ZNF385B: variants seen among roughly 807,000 people sequenced by gnomAD.
ZNF385B encodes zinc finger protein 385B.
A neutral mutation model predicts 39.2 loss-of-function variants in ZNF385B; 23 were observed. The observed-to-expected ratio is 0.59, with a 90% CI of 0.42 to 0.83. ZNF385B has a LOEUF of 0.83. Among genes scored for constraint, ZNF385B ranks in the 40% least tolerant of loss-of-function variants. The pLI, the probability that ZNF385B is intolerant of heterozygous loss-of-function variation, is 0.00. For synonymous variants in ZNF385B, 205 were observed against 222.6 expected, an observed-to-expected ratio of 0.92 and a Z score of 0.70; for missense variants, 552 against 598.9, an observed-to-expected ratio of 0.92 and a Z score of 0.82.
chr2:179,621,447 A>C (rs1690205611), intron 3 of ZNF385B, among the ~76,000 whole-genome samples: 1 of 152,212 alleles, frequency 6.6e-6, no homozygotes, highest in African/African-American at 2.4e-5. Flanking sequence ...GTTAACAACA[A>C]AGTATTTGGG....
chr2:179,644,793 T>C (rs1311416174), intron 3 of ZNF385B, among the ~76,000 whole-genome samples: 1 of 152,106 alleles, frequency 6.6e-6, no homozygotes, highest in Non-Finnish European at 1.5e-5. Context: ...GTCTCCTTTT[T>C]CTTATTTTCC....
chr2:179,587,085 C>T (rs752630197), intron 3 of ZNF385B, among the ~76,000 whole-genome samples: 53 of 152,202 alleles, frequency 3.5e-4, no homozygotes, highest in Middle Eastern at 3.4e-3. Context: ...TTTATATTCA[C>T]CTTCCTCCCT....
chr2:179,589,000 T>C (rs1034810478), intron 3 of ZNF385B, among the ~76,000 whole-genome samples: 1 of 152,228 alleles, frequency 6.6e-6, no homozygotes, highest in Non-Finnish European at 1.5e-5. Flanking sequence ...CTCTTGCCTC[T>C]GTGGTATTTT....
chr2:179,844,620 T>C lies in ZNF385B; in HGVS notation c.-155+16481A>G, dbSNP rs146074297. 2.0e-5 allele frequency among the ~76,000 whole-genome samples: 3 copies of C among 152,284 alleles called. No homozygotes were observed. The East Asian group carries it at 5.8e-4, about 29-fold the overall frequency. On this transcript the variant is annotated intron_variant, in intron 1 of 9. Transcript: ENST00000410066. ...AAAGGAAACCAAGGTGAAAACATCA[T>C]AATTGTTCAGCCAAAAGAATTATCT...
intron 3 of ZNF385B, among the ~76,000 whole-genome samples, chr2:179,754,057 T>C (rs1223382870): frequency 6.6e-6 from 1 of 152,214 alleles, no homozygotes; most frequent in African/African-American, 2.4e-5. Flanking sequence ...CAGTATGATA[T>C]TGGCTGTGGG....
chr2:179,539,360 A>G (rs1465355632), intron 4 of ZNF385B, among the ~76,000 whole-genome samples: 1 of 152,230 alleles, frequency 6.6e-6, no homozygotes, highest in Non-Finnish European at 1.5e-5. Flanking sequence ...ATCTCCAGAT[A>G]CCATCACTAT....
chr2:179,790,441 C>T (rs1308440215), intron 1 of ZNF385B, among the ~76,000 whole-genome samples: 1 of 152,076 alleles, frequency 6.6e-6, no homozygotes, highest in Non-Finnish European at 1.5e-5. Context: ...CATGCCCAGG[C>T]CTGTAGTGTC....
At chr2:179,701,786 T>C (rs1383273567) in intron 3 of ZNF385B, among the ~76,000 whole-genome samples, 1 of 152,188 alleles carries the variant, frequency 6.6e-6, no homozygotes, top group African/African-American at 2.4e-5. Context: ...AACTGGCATC[T>C]CAACAATGTT....
chr2:179,493,722 C>CGTATATATGT (rs1188764511), intron 5 of ZNF385B, among the ~76,000 whole-genome samples: 9 of 59,280 alleles, frequency 1.5e-4, no homozygotes, highest in Admixed American at 1.5e-3. Context: ...TATGCATATA[C>CGTATATATGT]GTATATACAT....
intron 3 of ZNF385B, among the ~76,000 whole-genome samples, chr2:179,710,102 C>T (rs573207684): frequency 1.8e-4 from 27 of 152,208 alleles, no homozygotes; most frequent in African/African-American, 5.1e-4. Flanking sequence ...GTTGATGCAA[C>T]GACTCCGGAG....
chr2:179,764,037 T>C (rs1703550330), intron 3 of ZNF385B, among the ~76,000 whole-genome samples: 2 of 152,224 alleles, frequency 1.3e-5, no homozygotes, highest in Non-Finnish European at 2.9e-5. Flanking sequence ...TTAATAATCC[T>C]ATCAGTTGCT....
intron 1 of ZNF385B, among the ~76,000 whole-genome samples, chr2:179,798,304 G>A (rs923270413): frequency 2.4e-4 from 37 of 151,706 alleles, no homozygotes; most frequent in Admixed American, 1.2e-3. Flanking sequence ...TTTCTCCAAG[G>A]ACACCCCATT....
At chr2:179,517,245 A>G (rs899299367) in intron 5 of ZNF385B, among the ~76,000 whole-genome samples, 6 of 151,910 alleles carry the variant, frequency 3.9e-5, no homozygotes, top group African/African-American at 1.2e-4. Flanking sequence ...TTCTATGTAT[A>G]TTTAAGAAAC....
At chr2:179,705,943 C>T (rs1046717172) in intron 3 of ZNF385B, among the ~76,000 whole-genome samples, 5 of 152,202 alleles carry the variant, frequency 3.3e-5, no homozygotes, top group African/African-American at 1.2e-4. Context: ...TCTCTGTCCC[C>T]TTTCTCCTTA....
Position 179,747,358 on chromosome 2 carries a change from T to C in ZNF385B, c.298+22145A>G, listed in dbSNP as rs1575412518. ...TTGGATATGCACATGCGTGTGCGTA[T>C]ACATATACCTATGCCATTGAACACA... On this transcript the variant is annotated intron_variant, in intron 3 of 9. Transcript: ENST00000410066. Among the ~76,000 whole-genome samples the C allele has an allele frequency of 3.3e-5, 5 of 152,264 alleles. No homozygotes were observed. In the South Asian group the frequency reaches 1.0e-3, roughly 32 times the overall value.
intron 3 of ZNF385B, among the ~76,000 whole-genome samples, chr2:179,742,876 C>T (rs17824564): frequency 0.083 from 12,642 of 151,990 alleles, 612 homozygotes; most frequent in Non-Finnish European, 0.11. Context: ...ATTCAAGATG[C>T]TATACCTTAA....
intron 3 of ZNF385B, among the ~76,000 whole-genome samples, chr2:179,693,909 A>G (rs567470953): frequency 6.6e-6 from 1 of 152,358 alleles, no homozygotes; most frequent in South Asian, 2.1e-4. Context: ...AAATCCTTAA[A>G]TAACTCAAGT....
intron 3 of ZNF385B, among the ~76,000 whole-genome samples, chr2:179,675,467 C>T (rs144751169): frequency 1.8e-4 from 28 of 152,294 alleles, no homozygotes; most frequent in African/African-American, 5.8e-4. Flanking sequence ...AAGTAGTTTT[C>T]GGATAATTGA....
At chr2:179,486,840 T>C (rs2054622280) in intron 5 of ZNF385B, among the ~76,000 whole-genome samples, 2 of 152,062 alleles carry the variant, frequency 1.3e-5, no homozygotes, top group Admixed American at 1.3e-4. Context: ...CACTTGAGCC[T>C]GGGAAGTCGA....
Sources: allele counts gnomAD v4.1 joint callset (sites outside exome capture counted in the v4.1 genomes callset), GRCh38; gene constraint gnomAD v4.1.1; transcripts MANE v1.5; gene names NCBI Gene and HGNC (gene_info 2026-07-23, HGNC 2026-07-21).